USP15: variants seen among roughly 807,000 people sequenced by gnomAD.
USP15 encodes ubiquitin carboxyl-terminal hydrolase 15.
USP15 carries 18 observed loss-of-function variants against 127.1 expected under a neutral mutation model. The observed-to-expected ratio is 0.14, with a 90% CI of 0.10 to 0.21. The LOEUF (loss-of-function observed/expected upper bound fraction) is 0.21, where lower values mean the gene tolerates loss of function less well. Among genes scored for constraint, USP15 ranks in the 10% least tolerant of loss-of-function variants. The probability of loss-of-function intolerance (pLI) is 1.00; values close to 1 mark genes in which losing one functional copy is unlikely to be tolerated. For synonymous variants in USP15, 364 were observed against 393.7 expected (o/e 0.92, Z 0.89); for missense variants, 805 against 1,159.9 (o/e 0.69, Z 4.44).
intron 1 of USP15, among the ~76,000 whole-genome samples, chr12:62,283,478 C>T (rs1004992409): frequency 5.3e-5 from 8 of 151,836 alleles, no homozygotes; most frequent in Admixed American, 1.3e-4. Context: ...GGAGCCCTAG[C>T]CAAGAAAAAT....
intron 6 of USP15, among the ~76,000 whole-genome samples, chr12:62,348,888 C>T (rs1310783058): frequency 7.9e-5 from 12 of 151,950 alleles, no homozygotes; most frequent in Admixed American, 7.9e-4. Context: ...TAGTTTAATT[C>T]CATTGACTGA....
chr12:62,394,164 A>T (rs1235213748), intron 19 of USP15, among the ~76,000 whole-genome samples: 2 of 152,218 alleles, frequency 1.3e-5, no homozygotes, highest in East Asian at 3.8e-4. Context: ...CAGAATGACA[A>T]AAAGGGAACA....
chr12:62,328,656 T>G (rs1416910680), intron 6 of USP15, among the ~76,000 whole-genome samples: 1 of 152,238 alleles, frequency 6.6e-6, no homozygotes, highest in East Asian at 1.9e-4. Context: ...AATTTTTTTT[T>G]TCCTAGAAAC....
At chr12:62,394,721 C>T (rs1396600482) in intron 19 of USP15, among the ~76,000 whole-genome samples, 4 of 151,888 alleles carry the variant, frequency 2.6e-5, no homozygotes, top group African/African-American at 7.3e-5. Context: ...TGGTTGTGCG[C>T]GCCTGTAGTC....
rs1183228746 is a variant in USP15, at chr12:62,390,858, C to T, written c.1845-6C>T. 4 of 1,595,966 alleles carry T rather than the reference C, an allele frequency of 2.5e-6. No homozygotes were observed. Among genetic ancestry groups the T allele is most frequent in the Admixed American group, 1.7e-5 (1 of 58,430 alleles). ...TGAACTTGTTTGATTTTTGATTTTA[C>T]TTAAGCCGATATGTCAAAATATCTA... is the stretch of plus-strand genomic sequence containing the variant. On this transcript the variant is annotated splice_polypyrimidine_tract_variant and splice_region_variant and intron_variant, in intron 14 of 21. Transcript: ENST00000280377.
intron 9 of USP15, among the ~76,000 whole-genome samples, chr12:62,382,622 T>C (rs1374055300): frequency 6.6e-6 from 1 of 151,954 alleles, no homozygotes; most frequent in East Asian, 1.9e-4. Flanking sequence ...AGGTTCTTTA[T>C]GTGTGACTTT....
At position 62,406,554 on chromosome 12, in the gene USP15, A is replaced by G. The variant is rs937343619; in HGVS notation, c.*2179A>G. 4 of 152,230 alleles carry G rather than the reference A, an allele frequency of 2.6e-5. No homozygotes were observed. Among genetic ancestry groups the G allele is most frequent in the Admixed American group, 2.6e-4 (4 of 15,282 alleles). The allele number at this position is 152,230 out of a possible 1,614,324, so 9.4% of individuals were successfully genotyped here. A position where few individuals can be genotyped will look rare whatever the true frequency, so the allele number is the denominator to read the frequency against. ...TGTCATTAACTTCTGTTCCCACTAA[A>G]AGAAGTGATGTTAATAATGCCATTG... is the stretch of plus-strand genomic sequence containing the variant. On this transcript the variant is annotated 3_prime_UTR_variant, in exon 22 of 22. Transcript: ENST00000280377.
At chr12:62,294,045 G>A (rs2064056378) in intron 1 of USP15, 134 bp from the exon 2 acceptor site, 6 of 830,934 alleles carry the variant, frequency 7.2e-6, no homozygotes, top group Non-Finnish European at 9.1e-6. Context: ...ATACTAAGGG[G>A]CATTACAGTT....
At chr12:62,400,233 A>G (rs1467818769) in intron 20 of USP15, among the ~76,000 whole-genome samples, 1 of 152,198 alleles carries the variant, frequency 6.6e-6, no homozygotes, top group Non-Finnish European at 1.5e-5. Context: ...TTTAAAAATT[A>G]TGTGGATTAA....
intron 2 of USP15, among the ~76,000 whole-genome samples, chr12:62,295,988 CAG>C (rs34405469): frequency 0.065 from 9,829 of 152,220 alleles, 401 homozygotes; most frequent in Middle Eastern, 0.095. Context: ...CCTTTAAAAA[CAG>C]AGAGTTTTCT....
At chr12:62,291,068 G>A (rs1212379824) in intron 1 of USP15, among the ~76,000 whole-genome samples, 1 of 152,106 alleles carries the variant, frequency 6.6e-6, no homozygotes, top group Admixed American at 6.5e-5. Context: ...TCTATGTCAT[G>A]GTGAGGCCCT....
chr12:62,295,143 C>T (rs12821894), intron 2 of USP15, among the ~76,000 whole-genome samples: 2 of 152,112 alleles, frequency 1.3e-5, no homozygotes, highest in Non-Finnish European at 2.9e-5. Context: ...AGACCCCCCC[C>T]CATAGGGTTG....
rs1160731619 is a variant in USP15 at position 62,408,097 on chromosome 12, A to C, written c.*3722A>C. 4 of 152,102 alleles carry C rather than the reference A, an allele frequency of 2.6e-5. No homozygotes were observed. The highest frequency in any genetic ancestry group is 9.7e-5 in the African/African-American group (4 of 41,420). 9.4% of individuals were successfully genotyped at this position (152,102 alleles called of 1,614,324 possible). A position where few individuals can be genotyped will look rare whatever the true frequency, so the allele number is the denominator to read the frequency against. ...GTTTTTTATGAACTAATTTGATTGA[A>C]GTGAGTTTATCTTATAAAATAAGCC... On this transcript the variant is annotated 3_prime_UTR_variant, in exon 22 of 22. Coordinates refer to ENST00000280377, the MANE Select transcript of USP15 (RefSeq NM_001252078.2).
intron 1 of USP15, among the ~76,000 whole-genome samples, chr12:62,271,806 A>G (rs1181499605): frequency 6.6e-6 from 1 of 151,940 alleles, no homozygotes; most frequent in Non-Finnish European, 1.5e-5. Flanking sequence ...AAACAATCTT[A>G]CTTGGCCTCC....
At chr12:62,319,716 C>G (rs2064931228) in intron 4 of USP15, among the ~76,000 whole-genome samples, 1 of 152,082 alleles carries the variant, frequency 6.6e-6, no homozygotes, top group South Asian at 2.1e-4. Flanking sequence ...GAGGAAATTT[C>G]CACATTTGTT....
At chr12:62,316,882 A>G (rs2064844857) in intron 4 of USP15, among the ~76,000 whole-genome samples, 1 of 152,158 alleles carries the variant, frequency 6.6e-6, no homozygotes, top group Non-Finnish European at 1.5e-5. Flanking sequence ...ACAATCTAGC[A>G]TAGATTTTAA....
At chr12:62,399,324 A>G (rs1050034687) in intron 20 of USP15, among the ~76,000 whole-genome samples, 5 of 152,202 alleles carry the variant, frequency 3.3e-5, no homozygotes, top group African/African-American at 1.2e-4. Flanking sequence ...GAAGCTGTTC[A>G]TCCCATGGCT....
chr12:62,383,798 C>A, intron 9 of USP15, 42 bp from the exon 10 acceptor site: 1 of 1,584,802 alleles, frequency 6.3e-7, no homozygotes, highest in South Asian at 1.2e-5. Flanking sequence ...AAAAATCAAC[C>A]CTGTTCCTAG....
intron 6 of USP15, among the ~76,000 whole-genome samples, chr12:62,329,058 T>C (rs758823129): frequency 2.6e-5 from 4 of 152,226 alleles, no homozygotes; most frequent in Non-Finnish European, 4.4e-5. Flanking sequence ...ATAACACTTA[T>C]ATTTAATGAA....
Sources: allele counts gnomAD v4.1 joint callset (sites outside exome capture counted in the v4.1 genomes callset), GRCh38; gene constraint gnomAD v4.1.1; transcripts MANE v1.5; gene names NCBI Gene and HGNC (gene_info 2026-07-23, HGNC 2026-07-21).